The following ITFG1 variants were observed in gnomAD, a reference collection of about 807,000 sequenced individuals.
ITFG1 encodes T-cell immunomodulatory protein.
In ITFG1, 34 loss-of-function variants were observed where a neutral mutation model predicts 81.8. That is an observed-to-expected ratio of 0.42 (90% CI 0.32 to 0.55). ITFG1 has a LOEUF of 0.55. Ranked by LOEUF, ITFG1 falls within the 20% of genes least tolerant of loss-of-function variation. ITFG1 has a pLI of 0.17. For missense variants in ITFG1, 672 were observed against 755.4 expected (o/e 0.89, Z 1.29); for synonymous variants, 285 against 270.6 (o/e 1.05, Z -0.52).
chr16:47,176,114 G>A (rs1965021238), intron 14 of ITFG1, among the ~76,000 whole-genome samples: 1 of 152,162 alleles, frequency 6.6e-6, no homozygotes, highest in Admixed American at 6.5e-5. Flanking sequence ...TTATATCCCT[G>A]CAGGGTAAGA....
chr16:47,290,112 T>C (rs752056673), intron 10 of ITFG1, among the ~76,000 whole-genome samples: 2 of 152,164 alleles, frequency 1.3e-5, no homozygotes, highest in African/African-American at 2.4e-5. Flanking sequence ...TTAATTTCCA[T>C]ATATTTGCAC....
chr16:47,359,926 C>T (rs1968088192), intron 8 of ITFG1, among the ~76,000 whole-genome samples: 2 of 152,090 alleles, frequency 1.3e-5, no homozygotes, highest in Admixed American at 1.3e-4. Context: ...GTCTTTCTTC[C>T]CTCAATAGAA....
At chr16:47,324,243 A>G (rs1967494584) in intron 8 of ITFG1, among the ~76,000 whole-genome samples, 1 of 151,992 alleles carries the variant, frequency 6.6e-6, no homozygotes, top group Non-Finnish European at 1.5e-5. Flanking sequence ...ACTAAGCTTC[A>G]TAAGTGAAGG....
chr16:47,429,986 A>G (rs1052050576), intron 5 of ITFG1, among the ~76,000 whole-genome samples: 1 of 149,992 alleles, frequency 6.7e-6, no homozygotes, highest in Non-Finnish European at 1.5e-5. Flanking sequence ...AGTTCTTTAT[A>G]TAATCTGGGC....
At chr16:47,369,715 T>A (rs899312683) in intron 7 of ITFG1, among the ~76,000 whole-genome samples, 6 of 152,164 alleles carry the variant, frequency 3.9e-5, no homozygotes, top group Admixed American at 2.6e-4. Flanking sequence ...TAATTATACA[T>A]ACTCATGGGG....
chr16:47,269,268 A>T (rs1260971008), intron 10 of ITFG1, among the ~76,000 whole-genome samples: 1 of 152,204 alleles, frequency 6.6e-6, no homozygotes. Context: ...ATCATATGAG[A>T]TCTAGGAAAA....
At chr16:47,243,378 T>TA (rs1183282495) in intron 12 of ITFG1, among the ~76,000 whole-genome samples, 7 of 152,166 alleles carry the variant, frequency 4.6e-5, no homozygotes, top group African/African-American at 1.4e-4. Flanking sequence ...TTACTTATTT[T>TA]AAAAACAAAT....
chr16:47,409,053 C>T (rs929518615), intron 6 of ITFG1, among the ~76,000 whole-genome samples: 8 of 151,770 alleles, frequency 5.3e-5, no homozygotes, highest in African/African-American at 1.7e-4. Context: ...AAAAAGCAAA[C>T]AATTTTTTAT....
At chr16:47,350,426 C>T (rs1348278876) in intron 8 of ITFG1, among the ~76,000 whole-genome samples, 1 of 152,180 alleles carries the variant, frequency 6.6e-6, no homozygotes, top group African/African-American at 2.4e-5. Flanking sequence ...TCAGAGAATA[C>T]TATAAACACC....
intron 12 of ITFG1, among the ~76,000 whole-genome samples, chr16:47,241,900 G>A (rs1352220468): frequency 6.6e-6 from 1 of 151,318 alleles, no homozygotes; most frequent in Non-Finnish European, 1.5e-5. Context: ...CTTGCAGTGA[G>A]CTGAGATCGC....
At chr16:47,215,008 T>C (rs1443872321) in intron 14 of ITFG1, among the ~76,000 whole-genome samples, 1 of 151,972 alleles carries the variant, frequency 6.6e-6, no homozygotes, top group African/African-American at 2.4e-5. Flanking sequence ...CTTTACCATC[T>C]GGGATGTACT....
chr16:47,202,139 T>C (rs1189447905), intron 14 of ITFG1: 1 of 152,216 alleles, frequency 6.6e-6, no homozygotes, highest in East Asian at 1.9e-4. Flanking sequence ...TGTTATTCTT[T>C]TATGTTGAAC....
intron 10 of ITFG1, among the ~76,000 whole-genome samples, chr16:47,291,511 A>T (rs2151554906): frequency 6.6e-6 from 1 of 152,262 alleles, no homozygotes; most frequent in African/African-American, 2.4e-5. Context: ...GTGTTCATCT[A>T]CTATTTCATT....
At chr16:47,411,210 C>T (rs1968806293) in intron 6 of ITFG1, among the ~76,000 whole-genome samples, 1 of 152,186 alleles carries the variant, frequency 6.6e-6, no homozygotes, top group Admixed American at 6.5e-5. Context: ...AAATGAGACA[C>T]AGATTTGTGG....
intron 14 of ITFG1, among the ~76,000 whole-genome samples, chr16:47,184,329 G>A (rs1258086001): frequency 6.6e-6 from 1 of 152,168 alleles, no homozygotes; most frequent in Non-Finnish European, 1.5e-5. Context: ...ATAATTGTCA[G>A]ATTCACCAAA....
chr16:47,422,268 G>A (rs190865233), intron 6 of ITFG1, among the ~76,000 whole-genome samples: 13 of 152,236 alleles, frequency 8.5e-5, no homozygotes, highest in Admixed American at 7.2e-4. Context: ...CTTCCACAAT[G>A]GTCGAACTAA....
intron 14 of ITFG1, among the ~76,000 whole-genome samples, chr16:47,168,890 A>G (rs765638155): frequency 1.8e-4 from 27 of 152,136 alleles, no homozygotes; most frequent in Non-Finnish European, 2.8e-4. Context: ...GTTAATTATT[A>G]TATATGAGTT....
At chr16:47,329,866 A>G (rs1967613818) in intron 8 of ITFG1, among the ~76,000 whole-genome samples, 1 of 152,122 alleles carries the variant, frequency 6.6e-6, no homozygotes, top group Admixed American at 6.6e-5. Context: ...TTCCCTTTGC[A>G]TAGTTCTTGG....
At chr16:47,178,501 G>T (rs1244772234) in intron 14 of ITFG1, among the ~76,000 whole-genome samples, 4 of 152,170 alleles carry the variant, frequency 2.6e-5, no homozygotes, top group African/African-American at 9.7e-5. Flanking sequence ...AATAAATGGT[G>T]CTGGGAAAAC....
Sources: allele counts gnomAD v4.1 joint callset (sites outside exome capture counted in the v4.1 genomes callset), GRCh38; gene constraint gnomAD v4.1.1; transcripts MANE v1.5; gene names NCBI Gene and HGNC (gene_info 2026-07-23, HGNC 2026-07-21).